Variants in VPS13B observed in about 807,000 individuals in gnomAD.
VPS13B encodes vacuolar protein sorting 13 homolog B.
In VPS13B, 285 loss-of-function variants were observed where a neutral mutation model predicts 426.4. The observed-to-expected ratio is 0.67, with a 90% CI of 0.61 to 0.74. The LOEUF is 0.74. Among genes scored for constraint, VPS13B ranks in the 30% least tolerant of loss-of-function variants. VPS13B has a pLI of 0.00. For missense variants in VPS13B, 4,537 were observed against 4,782.6 expected (o/e 0.95, Z 1.51); for synonymous variants, 1,676 against 1,676.4 (o/e 1.00, Z 0.01).
chr8:99,074,839 G>T (rs1845035529), intron 3 of VPS13B, among the ~76,000 whole-genome samples: 2 of 152,014 alleles, frequency 1.3e-5, no homozygotes, highest in Non-Finnish European at 2.9e-5. Flanking sequence ...GTTTCACCAT[G>T]TTGGTCAGGC....
intron 19 of VPS13B, chr8:99,340,571 G>A: frequency 2.2e-6 from 1 of 458,788 alleles, no homozygotes; most frequent in Non-Finnish European, 4.3e-6. Flanking sequence ...GTAATTATCA[G>A]GCACAAGCTT....
In VPS13B at chr8:99,596,357, G is replaced by T. The variant is rs568120885; in HGVS notation, c.5220+18724G>T. Among the ~76,000 whole-genome samples, 25 of 152,058 alleles carry T rather than the reference G, an allele frequency of 1.6e-4. 1 individual carries two copies. In the South Asian group the frequency reaches 5.2e-3, roughly 32 times the overall value. On this transcript the variant is annotated intron_variant, in intron 33 of 61. Coordinates refer to ENST00000357162, the MANE Select transcript of VPS13B (RefSeq NM_152564.5). ...AGAGAAGTTTATTGTGAAAATAAGG[G>T]TTAGAACATTTCACTTGGAGACTGT...
chr8:99,270,764 T>C (rs931312256), intron 17 of VPS13B, among the ~76,000 whole-genome samples: 26 of 152,146 alleles, frequency 1.7e-4, no homozygotes, highest in African/African-American at 5.8e-4. Context: ...TGGTATTGAA[T>C]GAGAGTTTGA....
intron 39 of VPS13B, among the ~76,000 whole-genome samples, chr8:99,729,973 A>C (rs1478104167): frequency 6.6e-6 from 1 of 152,274 alleles, no homozygotes; most frequent in Non-Finnish European, 1.5e-5. Flanking sequence ...TGATGGCACT[A>C]CAAAAAGAGA....
intron 33 of VPS13B, among the ~76,000 whole-genome samples, chr8:99,626,542 A>T (rs1445275620): frequency 2.0e-5 from 3 of 152,230 alleles, no homozygotes; most frequent in Non-Finnish European, 4.4e-5. Context: ...ATGGTTGTAT[A>T]ACTCTAAATA....
Position 99,013,793 on chromosome 8 carries a change from T to C in VPS13B, c.5T>C (p.Leu2Pro), listed in dbSNP as rs1167200159. The change falls in exon 2 of 62, where the codon CTG becomes CCG. Residue 2 changes from leucine (L) to proline (P), a missense_variant. By Grantham distance (98) the Leu-to-Pro change is moderately conservative. This residue lies in a region of VPS13B where 226 missense variants were observed against 308.3 expected (regional missense o/e 0.73). Coordinates refer to ENST00000357162, the MANE Select transcript of VPS13B (RefSeq NM_152564.5). M[L>P]ESYVTPILMS... ...TTCGACTCCTTACCTTAAAAGATGC[T>C]GGAGTCATATGTAACTCCAATTTTA... 6.2e-7 allele frequency: 1 copy of C among 1,614,200 alleles called. No individual in the cohort carries two copies. Among genetic ancestry groups the C allele is most frequent in the Non-Finnish European group, 8.5e-7 (1 of 1,180,022 alleles).
intron 8 of VPS13B, among the ~76,000 whole-genome samples, chr8:99,126,512 G>A (rs540736954): frequency 6.6e-6 from 1 of 152,258 alleles, no homozygotes; most frequent in South Asian, 2.1e-4. Flanking sequence ...AGAAGAGGTG[G>A]TCAAAAAACT....
intron 39 of VPS13B, among the ~76,000 whole-genome samples, chr8:99,755,254 C>T (rs1310293658): frequency 1.3e-5 from 2 of 152,120 alleles, no homozygotes; most frequent in Middle Eastern, 3.4e-3. Flanking sequence ...CTCAAAGAGC[C>T]CTTCAGCCAA....
chr8:99,596,011 A>G (rs1826991990), intron 33 of VPS13B, among the ~76,000 whole-genome samples: 1 of 151,944 alleles, frequency 6.6e-6, no homozygotes, highest in African/African-American at 2.4e-5. Flanking sequence ...AATAATAACA[A>G]GTTTCGACAA....
At chr8:99,702,599 G>A (rs1190348954) in intron 36 of VPS13B, among the ~76,000 whole-genome samples, 2 of 152,100 alleles carry the variant, frequency 1.3e-5, no homozygotes, top group Non-Finnish European at 2.9e-5. Context: ...TCCCCAATGA[G>A]AGAACACACT....
At chr8:99,805,431 C>T (rs1813351543) in intron 43 of VPS13B, among the ~76,000 whole-genome samples, 1 of 152,116 alleles carries the variant, frequency 6.6e-6, no homozygotes, top group Admixed American at 6.5e-5. Context: ...TCCACTTTCT[C>T]TTCTTTGGTG....
intron 23 of VPS13B, among the ~76,000 whole-genome samples, chr8:99,465,270 T>A (rs1381245763): frequency 6.6e-6 from 1 of 152,144 alleles, no homozygotes; most frequent in Non-Finnish European, 1.5e-5. Flanking sequence ...TAATGTGTTT[T>A]GTGAATTTTT....
chr8:99,817,032 C>T (rs944555347), intron 44 of VPS13B, among the ~76,000 whole-genome samples: 5 of 152,066 alleles, frequency 3.3e-5, no homozygotes, highest in Non-Finnish European at 5.9e-5. Flanking sequence ...ACAAGATTCA[C>T]TGCCACCTCC....
At chr8:99,497,109 A>G (rs940749643) in intron 25 of VPS13B, among the ~76,000 whole-genome samples, 1 of 130,156 alleles carries the variant, frequency 7.7e-6, no homozygotes, top group African/African-American at 3.2e-5. Flanking sequence ...TATGTAATAT[A>G]AAAATATATT....
At chr8:99,394,421 A>G (rs983335488) in intron 21 of VPS13B, among the ~76,000 whole-genome samples, 3 of 152,170 alleles carry the variant, frequency 2.0e-5, no homozygotes, top group African/African-American at 7.2e-5. Context: ...GTGGCTGGCT[A>G]CAGGGGGACC....
intron 17 of VPS13B, among the ~76,000 whole-genome samples, chr8:99,267,454 A>T (rs956605465): frequency 6.6e-6 from 1 of 152,034 alleles, no homozygotes; most frequent in African/African-American, 2.4e-5. Context: ...ACCCGGCTGG[A>T]CACGATGGCT....
chr8:99,102,891 T>C (rs1846834181), intron 4 of VPS13B, 62 bp from the exon 5 acceptor site: 10 of 1,437,344 alleles, frequency 7.0e-6, no homozygotes, highest in Non-Finnish European at 9.8e-6. Flanking sequence ...AATAACACTT[T>C]AAGAAATAAT....
chr8:99,147,904 T>C lies in VPS13B; in HGVS notation c.1907T>C (p.Ile636Thr). The change falls in exon 14 of 62, where the codon ATT becomes ACT. Residue 636 changes from isoleucine (I) to threonine (T), a missense_variant. By Grantham distance (89) the Ile-to-Thr change is moderately conservative. Around this residue, in one of 2 missense-constraint regions of VPS13B, gnomAD observed 4,311 missense variants for 4,474.3 expected, o/e 0.96. Transcript: ENST00000357162. ...GAGGTGGCTCTTCTGGAGGAATATA[T>C]TCCTACTCGACATACAAGTGTTACT... ...PEEVALLEEY[I>T]PTRHTSVTLL... 1 of 1,613,216 alleles carries C rather than the reference T, an allele frequency of 6.2e-7. No individual in the cohort carries two copies. The highest frequency in any genetic ancestry group is 8.5e-7 in the Non-Finnish European group (1 of 1,179,642).
At chr8:99,558,440 A>C (rs1421744358) in intron 31 of VPS13B, among the ~76,000 whole-genome samples, 2 of 152,108 alleles carry the variant, frequency 1.3e-5, no homozygotes, top group Admixed American at 1.3e-4. Context: ...TTTAAGTTCT[A>C]GGGTACATGT....
Sources: allele counts gnomAD v4.1 joint callset (sites outside exome capture counted in the v4.1 genomes callset), GRCh38; gene constraint gnomAD v4.1.1; regional missense constraint gnomAD v4.1.1; transcripts MANE v1.5; gene names NCBI Gene and HGNC (gene_info 2026-07-23, HGNC 2026-07-21).